PTPRS: variants seen among roughly 807,000 people sequenced by gnomAD.
PTPRS encodes the protein protein tyrosine phosphatase receptor type S.
Under a neutral mutation model 215.3 loss-of-function variants are expected in PTPRS, and 63 were observed. The ratio of observed to expected loss-of-function variants is 0.29; its 90% CI spans 0.24 to 0.36. The LOEUF (loss-of-function observed/expected upper bound fraction) is 0.36, where lower values mean the gene tolerates loss of function less well. PTPRS is among the 10% of genes least tolerant of loss of function. PTPRS has a pLI of 1.00. For synonymous variants in PTPRS, 1,404 were observed against 1,191.4 expected, an observed-to-expected ratio of 1.18 and a Z score of -3.68; for missense variants, 2,258 against 2,825.8, an observed-to-expected ratio of 0.80 and a Z score of 4.56.
At chr19:5,209,603 A>G (rs1277759257) in intron 35 of PTPRS, among the ~76,000 whole-genome samples, 1 of 152,172 alleles carries the variant, frequency 6.6e-6, no homozygotes, top group Non-Finnish European at 1.5e-5. Flanking sequence ...TCTTAGTCCT[A>G]GTATTTCCCA....
At chr19:5,283,531 C>T (rs1388245957) in intron 2 of PTPRS, among the ~76,000 whole-genome samples, 2 of 151,722 alleles carry the variant, frequency 1.3e-5, no homozygotes, top group Non-Finnish European at 2.9e-5. Context: ...GAGCCGAGAT[C>T]GCACCACTGT....
chr19:5,247,090 A>AG (rs943819959), intron 9 of PTPRS, among the ~76,000 whole-genome samples: 1 of 151,526 alleles, frequency 6.6e-6, no homozygotes, highest in Non-Finnish European at 1.5e-5. Context: ...GAAAGAAAGA[A>AG]GGGGGGGCCC....
intron 19 of PTPRS, 39 bp from the exon 20 acceptor site, chr19:5,221,292 C>T: frequency 6.3e-7 from 1 of 1,586,654 alleles, no homozygotes; most frequent in Non-Finnish European, 8.6e-7. Context: ...CTGGTGGGCT[C>T]ATGCCCATGG....
chr19:5,243,282 C>T (rs1416446364), intron 11 of PTPRS, among the ~76,000 whole-genome samples: 1 of 151,896 alleles, frequency 6.6e-6, no homozygotes. Context: ...CAGGCACCCG[C>T]CACCACGGCC....
At chr19:5,246,681 T>C (rs1182823555) in intron 9 of PTPRS, among the ~76,000 whole-genome samples, 4 of 152,190 alleles carry the variant, frequency 2.6e-5, no homozygotes, top group Admixed American at 2.6e-4. Context: ...GAGCCTGAGA[T>C]GTCAGTCCCC....
At chr19:5,235,686 C>T (rs1273929000) in intron 13 of PTPRS, among the ~76,000 whole-genome samples, 1 of 152,160 alleles carries the variant, frequency 6.6e-6, no homozygotes, top group African/African-American at 2.4e-5. Context: ...CTAATAGCTT[C>T]CATTTACTGA....
chr19:5,263,969 G>A (rs1401776335), intron 5 of PTPRS, among the ~76,000 whole-genome samples: 1 of 152,210 alleles, frequency 6.6e-6, no homozygotes. Context: ...GAAGCGGGGG[G>A]ACAACACACA....
intron 2 of PTPRS, among the ~76,000 whole-genome samples, chr19:5,274,997 AG>A (rs2047235336): frequency 6.6e-6 from 1 of 151,840 alleles, no homozygotes; most frequent in African/African-American, 2.4e-5. Context: ...GAGCTCAGAA[AG>A]GGGAAGTAAT....
In PTPRS at chr19:5,257,661, G is replaced by C. The variant is rs1037594404; in HGVS notation, c.706+356C>G. ...GCCAACTCGGGTGGGCAGGCAGGTG[G>C]GGTGGGGCGGGGCAGAGGCCTGCAG... On this transcript the variant is annotated intron_variant, in intron 8 of 37. Transcript: ENST00000262963. The surrounding 1 kb of genome is among the most constrained non-coding windows in gnomAD (Gnocchi z 4.4). 6.6e-6 allele frequency among the ~76,000 whole-genome samples: 1 copy of C among 152,178 alleles called. No individual in the cohort carries two copies. The highest frequency in any genetic ancestry group is 2.4e-5 in the African/African-American group (1 of 41,448).
Position 5,265,210 on chromosome 19 carries a change from C to T in PTPRS, c.380-14G>A, listed in dbSNP as rs374342981. ...GCAGCTGGTCCTCTGAGGGCAGAGA[C>T]GTGAGAGAAATGGGCATGGTTCTGA... On this transcript the variant is annotated splice_polypyrimidine_tract_variant and intron_variant, in intron 4 of 37. Transcript: ENST00000262963. 8.7e-6 allele frequency: 14 copies of T among 1,610,450 alleles called. No individual in the cohort carries two copies. The highest frequency in any genetic ancestry group is 1.0e-5 in the Non-Finnish European group (12 of 1,177,810).
rs547275530 is a variant in PTPRS, at chr19:5,321,008, T to A, written c.-95+19656A>T. Among the ~76,000 whole-genome samples the A allele has an allele frequency of 2.0e-5, 3 of 151,870 alleles. No individual in the cohort carries two copies. The South Asian group carries it at 6.3e-4, about 32-fold the overall frequency. On this transcript the variant is annotated intron_variant, in intron 1 of 37. Coordinates refer to ENST00000262963, the MANE Select transcript of PTPRS (RefSeq NM_002850.4). ...GCCCGGTGCTGGCTCATGCCTGTAA[T>A]CCCAGCACTGTGGGAGGCTGAGGCA...
At chr19:5,248,374 C>T (rs1381524782) in intron 9 of PTPRS, among the ~76,000 whole-genome samples, 1 of 149,846 alleles carries the variant, frequency 6.7e-6, no homozygotes. Context: ...AAACACAACA[C>T]CCAAAAGCAA....
intron 14 of PTPRS, among the ~76,000 whole-genome samples, chr19:5,229,910 C>CA (rs1012254816): frequency 6.6e-6 from 1 of 151,940 alleles, no homozygotes; most frequent in Admixed American, 6.6e-5. Context: ...AGGCTGCCCC[C>CA]CCCCGAGTCT....
intron 1 of PTPRS, among the ~76,000 whole-genome samples, chr19:5,300,626 C>T (rs556707244): frequency 2.9e-4 from 44 of 151,896 alleles, no homozygotes; most frequent in African/African-American, 1.1e-3. Flanking sequence ...CCAAAATTAG[C>T]CGGGCATGGT....
intron 1 of PTPRS, among the ~76,000 whole-genome samples, chr19:5,309,932 C>A (rs1303502767): frequency 6.6e-6 from 1 of 152,322 alleles, no homozygotes; most frequent in East Asian, 1.9e-4. Context: ...TCGGTCAGGG[C>A]TGGTTCCTCC....
intron 5 of PTPRS, among the ~76,000 whole-genome samples, chr19:5,264,729 T>C (rs1041827871): frequency 1.3e-5 from 2 of 152,142 alleles, no homozygotes; most frequent in Non-Finnish European, 2.9e-5. Flanking sequence ...TCCTTGTGCA[T>C]GTCTGCATCC....
intron 8 of PTPRS, 49 bp from the exon 9 acceptor site, chr19:5,256,168 AAG>A: frequency 6.8e-7 from 1 of 1,465,424 alleles, no homozygotes; most frequent in Non-Finnish European, 9.4e-7. Flanking sequence ...ACATGGGAAG[AAG>A]AGAAAAAATA....
intron 18 of PTPRS, 44 bp from the exon 19 acceptor site, chr19:5,222,264 C>T (rs1260067203): frequency 2.7e-6 from 4 of 1,508,142 alleles, no homozygotes; most frequent in Non-Finnish European, 1.8e-6. Context: ...GAAGAGAGGC[C>T]CCATGAGTGC....
chr19:5,305,767 T>TATATATA (rs1450959995), intron 1 of PTPRS, among the ~76,000 whole-genome samples: 58 of 89,726 alleles, frequency 6.5e-4, no homozygotes, highest in Admixed American at 1.7e-3. Context: ...ATATATATAT[T>TATATATA]TTTTTTTTAA....
Sources: allele counts gnomAD v4.1 joint callset (sites outside exome capture counted in the v4.1 genomes callset), GRCh38; gene constraint gnomAD v4.1.1; non-coding constraint Gnocchi (gnomAD v3.1); transcripts MANE v1.5; gene names NCBI Gene and HGNC (gene_info 2026-07-23, HGNC 2026-07-21).